P2RY8: variants seen among roughly 807,000 people sequenced by gnomAD.
P2RY8 encodes the protein P2Y receptor family member 8, also known as S-geranylgeranyl-glutathione receptor P2RY8.
P2RY8 carries 6 observed loss-of-function variants against 10.0 expected under a neutral mutation model. That is an observed-to-expected ratio of 0.60 (90% confidence interval 0.33 to 1.19). The LOEUF is 1.19. Among genes scored for constraint, P2RY8 ranks in the 50% most tolerant of loss-of-function variants. The pLI is 0.04. For synonymous variants in P2RY8, 276 were observed against 252.5 expected (o/e 1.09, Z -0.88); for missense variants, 456 against 542.0 (o/e 0.84, Z 1.58).
At chrX:1,527,271 A>G (rs2092445496) in intron 1 of P2RY8, among the ~76,000 whole-genome samples, 1 of 152,086 alleles carries the variant, frequency 6.6e-6, no homozygotes, top group African/African-American at 2.4e-5. Context: ...TCATCTACTC[A>G]TTCATTCATT....
Position 1,489,834 on chromosome X carries a change from A to G in P2RY8, c.-24-23252T>C, listed in dbSNP as rs762854736. ...TTCCCTGCAAATGTGGGGGGAATGA[A>G]TGAATGACATCCAGGGATTCTCCAC... On this transcript the variant is annotated intron_variant, in intron 1 of 1. Transcript: ENST00000381297. Among the ~76,000 whole-genome samples, 332 of 78,294 alleles carry G rather than the reference A, an allele frequency of 4.2e-3. 2 individuals carry two copies. The highest frequency in any genetic ancestry group is 0.016 in the African/African-American group (327 of 19,968). 51.4% of individuals were successfully genotyped at this position (78,294 alleles called of 152,430 possible).
chrX:1,481,250 C>T (rs1219859938), intron 1 of P2RY8, among the ~76,000 whole-genome samples: 1 of 152,054 alleles, frequency 6.6e-6, no homozygotes, highest in African/African-American at 2.4e-5. Flanking sequence ...CTCCCTGCAA[C>T]CTCCGCCTCC....
chrX:1,466,665 CCCGGGGA>C (rs1359979539), intron 1 of P2RY8, 83 bp from the exon 2 acceptor site: 3 of 1,353,070 alleles, frequency 2.2e-6, no homozygotes, highest in Non-Finnish European at 3.0e-6. Flanking sequence ...AGCGCCGCTC[CCCGGGGA>C]CCAAGGCGGG....
chrX:1,467,160 C>A (rs1325337563), intron 1 of P2RY8, among the ~76,000 whole-genome samples: 1 of 152,082 alleles, frequency 6.6e-6, no homozygotes, highest in Non-Finnish European at 1.5e-5. Flanking sequence ...TCAGGGGCAT[C>A]CACCCACAAA....
At chrX:1,521,376 T>C (rs1438864281) in intron 1 of P2RY8, among the ~76,000 whole-genome samples, 1 of 151,968 alleles carries the variant, frequency 6.6e-6, no homozygotes, top group Non-Finnish European at 1.5e-5. Flanking sequence ...ATATTCTCTC[T>C]GTCCCCAATA....
At position 1,514,557 on chromosome X, in the gene P2RY8, CT is replaced by C. The variant is rs1453574378; in HGVS notation, c.-25+22363del. ...CTTCCCTTCCTTTCCCTTCTCTTCC[CT>C]TCCCTTCCCTCCCTTCCCTTCCTTT... On this transcript the variant is annotated intron_variant, in intron 1 of 1. Coordinates refer to ENST00000381297, the MANE Select transcript of P2RY8 (RefSeq NM_178129.5). 5.7e-3 allele frequency among the ~76,000 whole-genome samples: 11 copies of C among 1,926 alleles called. 4 individuals are homozygous for C. Among genetic ancestry groups the C allele is most frequent in the African/African-American group, 8.6e-3 (11 of 1,276 alleles). 1.3% of individuals were successfully genotyped at this position (1,926 alleles called of 152,430 possible).
chrX:1,489,591 T>A (rs2092022556), intron 1 of P2RY8, among the ~76,000 whole-genome samples: 1 of 151,954 alleles, frequency 6.6e-6, no homozygotes, highest in Non-Finnish European at 1.5e-5. Flanking sequence ...ACCCAGATAT[T>A]CCCTGCAAAT....
In P2RY8 at chrX:1,530,122, C is replaced by T. The variant is rs2092462507; in HGVS notation, c.-25+6799G>A. 9.6e-5 allele frequency among the ~76,000 whole-genome samples: 6 copies of T among 62,738 alleles called. 1 individual carries two copies. In the Admixed American group the frequency reaches 1.1e-3, roughly 12 times the overall value. The allele number at this position is 62,738 out of a possible 152,430, so 41.2% of individuals were successfully genotyped here. On this transcript the variant is annotated intron_variant, in intron 1 of 1. Coordinates refer to ENST00000381297, the MANE Select transcript of P2RY8 (RefSeq NM_178129.5). ...GTATCCATGTATCTATGTATCTATG[C>T]ATCTATGTATGTATGTATGTATGTA...
intron 1 of P2RY8, among the ~76,000 whole-genome samples, chrX:1,524,781 CCACTCATCCATT>C (rs2092427111): frequency 3.4e-5 from 3 of 88,738 alleles, no homozygotes; most frequent in African/African-American, 1.1e-4. Flanking sequence ...ATCCATCCAT[CCACTCATCCATT>C]CATCCATCCA....
intron 1 of P2RY8, among the ~76,000 whole-genome samples, chrX:1,472,638 TGATGGGTAGATGGATGGGAG>T (rs1461468400): frequency 8.2e-6 from 1 of 121,500 alleles, no homozygotes; most frequent in Non-Finnish European, 1.7e-5. Context: ...ATGGATGGGT[TGATGGGTAGATGGATGGGAG>T]GATGTATGGA....
intron 1 of P2RY8, among the ~76,000 whole-genome samples, chrX:1,534,421 TG>T (rs1374961549): frequency 6.6e-6 from 1 of 151,850 alleles, no homozygotes; most frequent in Non-Finnish European, 1.5e-5. Flanking sequence ...GGGGTGATCC[TG>T]GGGGCACCCA....
intron 1 of P2RY8, among the ~76,000 whole-genome samples, chrX:1,521,688 T>C (rs2092392763): frequency 6.6e-6 from 1 of 151,996 alleles, no homozygotes; most frequent in South Asian, 2.1e-4. Flanking sequence ...AAGGAAGGTG[T>C]GTTTACTTAG....
In P2RY8 at chrX:1,463,907, T is replaced by TA. The variant is rs1459864256; in HGVS notation, c.*1571dup. On this transcript the variant is annotated 3_prime_UTR_variant, in exon 2 of 2. Coordinates refer to ENST00000381297, the MANE Select transcript of P2RY8 (RefSeq NM_178129.5). ...GCAGTATGGCCTCGCCTTACTTAAT[T>TA]ACATTTGGAAAGACCCGATTTTCAA... is the stretch of plus-strand genomic sequence containing the variant. 1 of 233,190 alleles carries TA rather than the reference T, an allele frequency of 4.3e-6. No individual in the cohort carries two copies. Among genetic ancestry groups the TA allele is most frequent in the Non-Finnish European group, 8.5e-6 (1 of 118,066 alleles). 14.4% of individuals were successfully genotyped at this position (233,190 alleles called of 1,614,324 possible). A position where few individuals can be genotyped will look rare whatever the true frequency, so the allele number is the denominator to read the frequency against.
chrX:1,493,519 C>G (rs1409314142), intron 1 of P2RY8, among the ~76,000 whole-genome samples: 1 of 152,004 alleles, frequency 6.6e-6, no homozygotes, highest in Admixed American at 6.6e-5. Flanking sequence ...GTAAAAGTGG[C>G]TGCTGCTTCC....
At chrX:1,531,930 C>G (rs1234835559) in intron 1 of P2RY8, among the ~76,000 whole-genome samples, 1 of 152,014 alleles carries the variant, frequency 6.6e-6, no homozygotes, top group Non-Finnish European at 1.5e-5. Flanking sequence ...GTGGATGTGG[C>G]GAACAGGGAA....
intron 1 of P2RY8, among the ~76,000 whole-genome samples, chrX:1,493,715 C>CCG (rs1290253289): frequency 6.6e-6 from 1 of 152,180 alleles, no homozygotes; most frequent in Non-Finnish European, 1.5e-5. Context: ...TCGGCGTGGG[C>CCG]CGGCCTGTAC....
intron 1 of P2RY8, among the ~76,000 whole-genome samples, chrX:1,478,681 T>C (rs2091903553): frequency 6.6e-6 from 1 of 152,008 alleles, no homozygotes; most frequent in Admixed American, 6.6e-5. Context: ...GGTTCCAGCA[T>C]GTTGGCCAGG....
rs1311646916 is a variant in P2RY8 at position 1,464,563 on chromosome X, A to T, written c.*916T>A. The T allele has an allele frequency of 3.0e-5, 7 of 233,274 alleles. No individual in the cohort carries two copies. Among genetic ancestry groups the T allele is most frequent in the African/African-American group, 1.5e-4 (7 of 45,382 alleles). The allele number at this position is 233,274 out of a possible 1,614,324, so 14.5% of individuals were successfully genotyped here. A position where few individuals can be genotyped will look rare whatever the true frequency, so the allele number is the denominator to read the frequency against. ...GTGGGGAACTCCCGAATCAAGCTGC[A>T]CCCTTGTGTTGGGATGGGCTGGACC... On this transcript the variant is annotated 3_prime_UTR_variant, in exon 2 of 2. Coordinates refer to ENST00000381297, the MANE Select transcript of P2RY8 (RefSeq NM_178129.5).
At chrX:1,508,439 C>T in intron 1 of P2RY8, among the ~76,000 whole-genome samples, 1 of 152,270 alleles carries the variant, frequency 6.6e-6, no homozygotes. Context: ...CATCCAGCCC[C>T]AAAATGTCAG....
Sources: allele counts gnomAD v4.1 joint callset (sites outside exome capture counted in the v4.1 genomes callset), GRCh38; gene constraint gnomAD v4.1.1; transcripts MANE v1.5; gene names NCBI Gene and HGNC (gene_info 2026-07-23, HGNC 2026-07-21).